MAML2: variants seen among roughly 807,000 people sequenced by gnomAD.
The protein encoded by MAML2 is mastermind like transcriptional coactivator 2, also known as mastermind-like protein 2.
MAML2 carries 22 observed loss-of-function variants against 96.1 expected under a neutral mutation model. The observed-to-expected ratio is 0.23, with a 90% CI of 0.16 to 0.33. The LOEUF is 0.33. Ranked by LOEUF, MAML2 falls within the 10% of genes least tolerant of loss-of-function variation. The probability of loss-of-function intolerance (pLI) is 1.00; values close to 1 mark genes in which losing one functional copy is unlikely to be tolerated. For synonymous variants in MAML2, 561 were observed against 521.3 expected (o/e 1.08, Z -1.04); for missense variants, 1,367 against 1,392.4 (o/e 0.98, Z 0.29).
intron 2 of MAML2, among the ~76,000 whole-genome samples, chr11:96,016,206 T>C (rs1858349661): frequency 7.3e-6 from 1 of 137,420 alleles, no homozygotes; most frequent in African/African-American, 2.8e-5. Context: ...ATTTACACCA[T>C]GAATCTGGAA....
chr11:95,976,956 A>T lies in MAML2; in HGVS notation c.*1992T>A, dbSNP rs1177989687. 1 of 197,842 alleles carries T rather than the reference A, an allele frequency of 5.1e-6. No individual in the cohort carries two copies. The highest frequency in any genetic ancestry group is 1.0e-5 in the Non-Finnish European group (1 of 95,594). 12.3% of individuals were successfully genotyped at this position (197,842 alleles called of 1,614,324 possible). A position where few individuals can be genotyped will look rare whatever the true frequency, so the allele number is the denominator to read the frequency against. ...AATGTGCACAGCAGAAGAATCAAATAAGACACAAGAACTATGGGTTTAAAA... is the reference window on the plus strand; with the variant it reads ...AATGTGCACAGCAGAAGAATCAAATTAGACACAAGAACTATGGGTTTAAAA... On this transcript the variant is annotated 3_prime_UTR_variant, in exon 5 of 5. Coordinates refer to ENST00000524717, the MANE Select transcript of MAML2 (RefSeq NM_032427.4).
At chr11:96,329,276 T>C (rs552704703) in intron 1 of MAML2, among the ~76,000 whole-genome samples, 7 of 152,258 alleles carry the variant, frequency 4.6e-5, no homozygotes, top group African/African-American at 1.7e-4. Flanking sequence ...TCTAAGTCCC[T>C]CAGAATATGG....
At chr11:96,298,071 C>A (rs1182748972) in intron 1 of MAML2, among the ~76,000 whole-genome samples, 1 of 152,104 alleles carries the variant, frequency 6.6e-6, no homozygotes, top group African/African-American at 2.4e-5. Context: ...CACTTCATTC[C>A]CCCCAATTTC....
chr11:96,064,906 T>C (rs1048214094), intron 2 of MAML2, among the ~76,000 whole-genome samples: 1 of 152,222 alleles, frequency 6.6e-6, no homozygotes, highest in African/African-American at 2.4e-5. Context: ...TTATATTTTA[T>C]AAACTTGATC....
Position 96,039,263 on chromosome 11 carries a change from G to A in MAML2, c.2140-47540C>T, listed in dbSNP as rs578209853. Reference sequence around the variant, plus strand: ...GAGCAAGACCAACTCAGAAAAAGAGGAGAGGAGGGGAGAGGAGGAGACAGA... The same window carrying A: ...GAGCAAGACCAACTCAGAAAAAGAGAAGAGGAGGGGAGAGGAGGAGACAGA... On this transcript the variant is annotated intron_variant, in intron 2 of 4. Transcript: ENST00000524717. Among the ~76,000 whole-genome samples, 3 of 150,506 alleles carry A rather than the reference G, an allele frequency of 2.0e-5. No individual in the cohort carries two copies. The East Asian group carries it at 5.9e-4, about 30-fold the overall frequency.
At chr11:96,200,427 A>G (rs1591068856) in intron 1 of MAML2, among the ~76,000 whole-genome samples, 1 of 152,198 alleles carries the variant, frequency 6.6e-6, no homozygotes, top group East Asian at 1.9e-4. Flanking sequence ...GTGAGACTTC[A>G]TTCTTTTTCT....
At chr11:96,288,985 C>T (rs549994469) in intron 1 of MAML2, among the ~76,000 whole-genome samples, 53 of 152,262 alleles carry the variant, frequency 3.5e-4, no homozygotes, top group Admixed American at 1.4e-3. Context: ...TCGCAGTGTA[C>T]TTAGAGACAG....
intron 1 of MAML2, among the ~76,000 whole-genome samples, chr11:96,162,368 C>A (rs1861122729): frequency 6.6e-6 from 1 of 151,696 alleles, no homozygotes; most frequent in Non-Finnish European, 1.5e-5. Flanking sequence ...CAGACCAGAT[C>A]TAGCGATTGC....
Sources: gnomAD v4.1 joint callset for allele counts (sites outside exome capture counted in the v4.1 genomes callset) on GRCh38, gnomAD v4.1.1 for gene constraint, MANE v1.5 for transcripts, NCBI Gene and HGNC (gene_info 2026-07-23, HGNC 2026-07-21) for gene names.